The following TPRG1 variants were observed in gnomAD, a reference collection of about 807,000 sequenced individuals.
The protein encoded by TPRG1 is tumor protein p63 regulated 1.
TPRG1 carries 29 observed loss-of-function variants against 29.3 expected under a neutral mutation model. That is an observed-to-expected ratio of 0.99 (90% CI 0.74 to 1.35). TPRG1 has a LOEUF of 1.35. Ranked by LOEUF, TPRG1 falls within the 40% of genes most tolerant of loss-of-function variation. The pLI is 0.00. For missense variants in TPRG1, 327 were observed against 335.0 expected, an observed-to-expected ratio of 0.98 and a Z score of 0.19; for synonymous variants, 130 against 116.8, an observed-to-expected ratio of 1.11 and a Z score of -0.73.
intron 3 of TPRG1, among the ~76,000 whole-genome samples, chr3:189,135,261 A>G (rs926015022): frequency 1.2e-4 from 18 of 152,226 alleles, no homozygotes; most frequent in Non-Finnish European, 1.3e-4. Flanking sequence ...GATCTCTTCT[A>G]TTGCAGTTCT....
In TPRG1 at chr3:189,061,253, T is replaced by C. The variant is rs1392651238; in HGVS notation, c.-463+37307T>C. Among the ~76,000 whole-genome samples, 5 of 152,222 alleles carry C rather than the reference T, an allele frequency of 3.3e-5. No individual in the cohort carries two copies. In the East Asian group the frequency reaches 7.7e-4, roughly 24 times the overall value. ...GAACTGGATAGCCATATGCAGAAGA[T>C]TGAAGCTGGACTCCTTCCACCATAT... is the stretch of plus-strand genomic sequence containing the variant. On this transcript the variant is annotated intron_variant, in intron 4 of 10. Coordinates refer to the TPRG1 transcript ENST00000433971.
chr3:189,289,080 T>C (rs1325602934), intron 4 of TPRG1, among the ~76,000 whole-genome samples: 3 of 152,248 alleles, frequency 2.0e-5, no homozygotes, highest in Non-Finnish European at 2.9e-5. Context: ...GCTTGTCTGA[T>C]TGCTGAGTGA....
intron 1 of TPRG1, among the ~76,000 whole-genome samples, chr3:188,998,749 C>G (rs1257899067): frequency 6.6e-6 from 1 of 152,122 alleles, no homozygotes; most frequent in Non-Finnish European, 1.5e-5. Context: ...TACTCTCACT[C>G]ATATGTGAGC....
chr3:189,221,755 G>A lies in TPRG1; in HGVS notation c.302+6372G>A, dbSNP rs897884825. On this transcript the variant is annotated intron_variant, in intron 3 of 5. Coordinates refer to ENST00000345063, the MANE Select transcript of TPRG1 (RefSeq NM_198485.4). Reference sequence around the variant, plus strand: ...CCCCAAAGTGACACTGTGTGTGGTCGCTTTCACACCTACTATCCTATGCAA... The same window carrying A: ...CCCCAAAGTGACACTGTGTGTGGTCACTTTCACACCTACTATCCTATGCAA... Among the ~76,000 whole-genome samples the A allele has an allele frequency of 2.6e-5, 4 of 152,168 alleles. No individual in the cohort carries two copies. In the South Asian group the frequency reaches 8.3e-4, roughly 32 times the overall value.
chr3:189,259,407 T>C (rs2167156), intron 4 of TPRG1, among the ~76,000 whole-genome samples: 83,413 of 145,946 alleles, frequency 0.57, 25,035 homozygotes, highest in African/African-American at 0.74. Flanking sequence ...GTGTTGATCT[T>C]GCTGGGAGCT....
rs1560689270 is a variant in TPRG1 at position 189,312,148 on chromosome 3, TC to T, written c.633+1610del. Reference sequence around the variant, plus strand: ...TTCTTTCTTTCTTTCTTTCTTTCTTTCTTTCTTTCTTTCTTTCTTTCTTTCT... The same window carrying T: ...TTCTTTCTTTCTTTCTTTCTTTCTTTTTTCTTTCTTTCTTTCTTTCTTTCT... On this transcript the variant is annotated intron_variant, in intron 5 of 5. Transcript: ENST00000345063. Among the ~76,000 whole-genome samples the T allele has an allele frequency of 5.6e-4, 28 of 50,096 alleles. 1 individual carries two copies. The South Asian group carries it at 0.025, about 44-fold the overall frequency. 32.9% of individuals were successfully genotyped at this position (50,096 alleles called of 152,430 possible). A position where few individuals can be genotyped will look rare whatever the true frequency, so the allele number is the denominator to read the frequency against.
Position 189,215,322 on chromosome 3 carries a change from T to C in TPRG1, c.241T>C (p.Leu81=), listed in dbSNP as rs1337135982. The change falls in exon 3 of 6, where the codon TTG becomes CTG. Residue 81 remains leucine, a synonymous_variant. Coordinates refer to ENST00000345063, the MANE Select transcript of TPRG1 (RefSeq NM_198485.4). Reference sequence around the variant, plus strand: ...GGCCATTGAGACTGCCATGGAAGACTTGAAAGGTCACGTAGCTGAGACTTC... The same window carrying C: ...GGCCATTGAGACTGCCATGGAAGACCTGAAAGGTCACGTAGCTGAGACTTC... The part of the protein sequence containing the change: ...PGAIETAMED[L]KGHVAETSGE... 1 of 1,612,276 alleles carries C rather than the reference T, an allele frequency of 6.2e-7. No homozygotes were observed. The highest frequency in any genetic ancestry group is 1.3e-5 in the African/African-American group (1 of 74,806).
At chr3:189,281,425 G>C (rs897492632) in intron 4 of TPRG1, among the ~76,000 whole-genome samples, 1 of 152,132 alleles carries the variant, frequency 6.6e-6, no homozygotes, top group Non-Finnish European at 1.5e-5. Flanking sequence ...TACCCTGAGA[G>C]GAACTACAGT....
chr3:189,274,019 A>G (rs189138215), intron 4 of TPRG1, among the ~76,000 whole-genome samples: 239 of 127,610 alleles, frequency 1.9e-3, no homozygotes, highest in African/African-American at 8.9e-3. Flanking sequence ...CAGTGAAAAA[A>G]TTATGTTGAA....
chr3:188,997,984 ACATT>A (rs141808035), intron 1 of TPRG1, among the ~76,000 whole-genome samples: 63 of 152,182 alleles, frequency 4.1e-4, no homozygotes, highest in South Asian at 1.0e-3. Flanking sequence ...AAAAAAATTC[ACATT>A]CATTCATTCA....
chr3:189,288,022 T>G (rs1718357233), intron 4 of TPRG1, among the ~76,000 whole-genome samples: 1 of 151,776 alleles, frequency 6.6e-6, no homozygotes, highest in African/African-American at 2.4e-5. Flanking sequence ...ATTTAAATTT[T>G]TAACACAAAG....
chr3:189,281,531 C>T (rs144430096), intron 4 of TPRG1, among the ~76,000 whole-genome samples: 2 of 152,096 alleles, frequency 1.3e-5, no homozygotes, highest in African/African-American at 4.8e-5. Flanking sequence ...ACTATGTTAT[C>T]GTGGATGCAT....
chr3:189,203,334 G>A (rs1032892570), intron 1 of TPRG1, among the ~76,000 whole-genome samples: 2 of 151,544 alleles, frequency 1.3e-5, no homozygotes, highest in African/African-American at 4.9e-5. Context: ...CTTTATTTGG[G>A]ATTTTTTTTT....
intron 1 of TPRG1, chr3:189,121,498 C>G (rs1214608710): frequency 6.6e-6 from 1 of 152,196 alleles, no homozygotes; most frequent in Non-Finnish European, 1.5e-5. Context: ...CAACTTGAAT[C>G]TTTGACTCAT....
In TPRG1 at chr3:189,188,556, C is replaced by G. The variant is rs541476542; in HGVS notation, c.-10+16425C>G. ...CCTCCTCCACATCACTTGCTGTAGTCTTTTGCTATAAGACTAGAATTTCTG... is the reference window on the plus strand; with the variant it reads ...CCTCCTCCACATCACTTGCTGTAGTGTTTTGCTATAAGACTAGAATTTCTG... On this transcript the variant is annotated intron_variant, in intron 1 of 5. Transcript: ENST00000345063. Among the ~76,000 whole-genome samples, 13 of 152,252 alleles carry G rather than the reference C, an allele frequency of 8.5e-5. 1 individual carries two copies. The South Asian group carries it at 2.3e-3, about 27-fold the overall frequency.
intron 1 of TPRG1, among the ~76,000 whole-genome samples, chr3:189,206,876 T>TAA (rs770187396): frequency 2.6e-5 from 4 of 152,054 alleles, no homozygotes; most frequent in Non-Finnish European, 4.4e-5. Flanking sequence ...GGTATTCGTC[T>TAA]AATTATTTTC....
chr3:189,131,051 C>T (rs571961530), intron 2 of TPRG1, among the ~76,000 whole-genome samples: 3 of 152,256 alleles, frequency 2.0e-5, no homozygotes, highest in Admixed American at 6.5e-5. Flanking sequence ...GTAACGTGAT[C>T]GTATGTCCCA....
At chr3:189,143,046 C>T (rs1724782136) in intron 3 of TPRG1, among the ~76,000 whole-genome samples, 1 of 152,148 alleles carries the variant, frequency 6.6e-6, no homozygotes, top group Non-Finnish European at 1.5e-5. Flanking sequence ...TTCTTTGAAC[C>T]AGTATCTTTT....
At chr3:189,098,496 T>C (rs1437631210), upstream of TPRG1, among the ~76,000 whole-genome samples, 1 of 152,044 alleles carries the variant, frequency 6.6e-6, no homozygotes, top group African/African-American at 2.4e-5. Flanking sequence ...GAGAGGGTAC[T>C]GGGGGCAGAC....
Sources: gnomAD v4.1 joint callset for allele counts (sites outside exome capture counted in the v4.1 genomes callset) on GRCh38, gnomAD v4.1.1 for gene constraint, MANE v1.5 for transcripts, NCBI Gene and HGNC (gene_info 2026-07-23, HGNC 2026-07-21) for gene names.